FER: variants seen among roughly 807,000 people sequenced by gnomAD.
FER encodes FER tyrosine kinase.
In FER, 63 loss-of-function variants were observed where a neutral mutation model predicts 111.0. That is an observed-to-expected ratio of 0.57 (90% CI 0.46 to 0.70). The LOEUF is 0.70. Ranked by LOEUF, FER falls within the 30% of genes least tolerant of loss-of-function variation. The pLI is 0.00. For missense variants in FER, 914 were observed against 954.0 expected (o/e 0.96, Z 0.55); for synonymous variants, 327 against 313.9 (o/e 1.04, Z -0.44).
At chr5:108,963,251 G>C (rs905794309) in intron 13 of FER, among the ~76,000 whole-genome samples, 1 of 152,070 alleles carries the variant, frequency 6.6e-6, no homozygotes, top group East Asian at 1.9e-4. Flanking sequence ...CGAAGGTAAA[G>C]CAAAAACATT....
intron 10 of FER, among the ~76,000 whole-genome samples, chr5:108,902,322 A>G (rs1000521900): frequency 3.9e-5 from 6 of 152,240 alleles, no homozygotes; most frequent in African/African-American, 1.4e-4. Context: ...TTATTTTGCT[A>G]GGCTGGCAGT....
Position 108,897,707 on chromosome 5 carries a change from G to T in FER, c.1095G>T (p.Gln365His). ...SQKQALEELK[Q>H]SVQQLRCTEA... ...AACAGGCACTTGAAGAACTGAAACA[G>T]TCAGTCCAGCAGCTGAGATGCACTG... is the stretch of plus-strand genomic sequence containing the variant. Residue 365 changes from glutamine (Q) to histidine (H), a missense_variant, in exon 10 of 20, where the codon CAG becomes CAT. Transcript: ENST00000281092. 6.2e-7 allele frequency: 1 copy of T among 1,611,092 alleles called. No individual in the cohort carries two copies. Among genetic ancestry groups the T allele is most frequent in the Non-Finnish European group, 8.5e-7 (1 of 1,178,798 alleles).
At chr5:109,135,497 G>T (rs1752789930) in intron 17 of FER, among the ~76,000 whole-genome samples, 1 of 152,096 alleles carries the variant, frequency 6.6e-6, no homozygotes, top group East Asian at 1.9e-4. Context: ...AGTCGCAATG[G>T]TTACATATTG....
intron 16 of FER, among the ~76,000 whole-genome samples, chr5:109,070,068 G>A (rs572120862): frequency 7.9e-5 from 12 of 151,984 alleles, no homozygotes; most frequent in East Asian, 3.9e-4. Flanking sequence ...AAACTCATTG[G>A]CAGTCCATTT....
In FER at chr5:108,897,713, C is replaced by A; in HGVS notation, c.1101C>A (p.Val367=). The part of the protein sequence containing the change: ...KQALEELKQS[V]QQLRCTEAKF... Reference sequence around the variant, plus strand: ...CACTTGAAGAACTGAAACAGTCAGTCCAGCAGCTGAGATGCACTGAAGCAA... The same window carrying A: ...CACTTGAAGAACTGAAACAGTCAGTACAGCAGCTGAGATGCACTGAAGCAA... Residue 367 remains valine, a synonymous_variant, in exon 10 of 20, where the codon GTC becomes GTA. Coordinates refer to ENST00000281092, the MANE Select transcript of FER (RefSeq NM_005246.4). The A allele has an allele frequency of 6.2e-7, 1 of 1,612,972 alleles. No individual in the cohort carries two copies. Among genetic ancestry groups the A allele is most frequent in the Middle Eastern group, 1.7e-4 (1 of 6,056 alleles).
At chr5:108,844,828 T>C (rs1761712970) in intron 5 of FER, among the ~76,000 whole-genome samples, 1 of 151,356 alleles carries the variant, frequency 6.6e-6, no homozygotes, top group Non-Finnish European at 1.5e-5. Flanking sequence ...TGTTGTTGCA[T>C]GTATGAGTAA....
chr5:108,985,537 A>G (rs1451726057), intron 13 of FER, among the ~76,000 whole-genome samples: 1 of 151,956 alleles, frequency 6.6e-6, no homozygotes, highest in Admixed American at 6.6e-5. Flanking sequence ...TGCACCCATT[A>G]CCCGAGCAGT....
intron 2 of FER, among the ~76,000 whole-genome samples, chr5:108,772,880 T>C (rs573357601): frequency 6.6e-6 from 1 of 152,322 alleles, no homozygotes; most frequent in African/African-American, 2.4e-5. Flanking sequence ...AGTAGCAGTC[T>C]AGTCTTTCAG....
chr5:108,798,458 A>G (rs1756288232), intron 3 of FER, 69 bp downstream of exon 3: 2 of 1,159,516 alleles, frequency 1.7e-6, no homozygotes, highest in Non-Finnish European at 2.5e-6. Flanking sequence ...AATAGCTCAA[A>G]CTATTGAATG....
chr5:108,906,896 G>GGTAGAA (rs1750855086), intron 10 of FER, among the ~76,000 whole-genome samples: 1 of 152,050 alleles, frequency 6.6e-6, no homozygotes, highest in African/African-American at 2.4e-5. Context: ...GTTGAAACCT[G>GGTAGAA]TTTTTTCCAT....
chr5:109,032,115 A>G (rs1769713449), intron 13 of FER, among the ~76,000 whole-genome samples: 1 of 152,168 alleles, frequency 6.6e-6, no homozygotes, highest in African/African-American at 2.4e-5. Flanking sequence ...CAGCGTAGTT[A>G]ATACTGAGTC....
rs116722224 is a variant in FER at position 109,092,536 on chromosome 5, A to G, written c.1925-7860A>G. Among the ~76,000 whole-genome samples, 721 of 152,250 alleles carry G rather than the reference A, an allele frequency of 4.7e-3. 5 individuals carry two copies. Among genetic ancestry groups the G allele is most frequent in the African/African-American group, 0.017 (688 of 41,560 alleles). ...TTCTGTATAACTAAGTATCAGGACA[A>G]TGCAATCAAAACCACAATAAGGTAT... On this transcript the variant is annotated intron_variant, in intron 16 of 19. Coordinates refer to ENST00000281092, the MANE Select transcript of FER (RefSeq NM_005246.4).
rs909892499 is a variant in FER at position 109,031,555 on chromosome 5, T to C, written c.1657-5867T>C. 3.9e-4 allele frequency among the ~76,000 whole-genome samples: 59 copies of C among 152,192 alleles called. 2 individuals carry two copies. Among genetic ancestry groups the C allele is most frequent in the Non-Finnish European group, 4.4e-5 (3 of 68,026 alleles). On this transcript the variant is annotated intron_variant, in intron 13 of 19. Coordinates refer to ENST00000281092, the MANE Select transcript of FER (RefSeq NM_005246.4). ...GAGACTTCTGGTCTATAAGATTAAG[T>C]GAATACTTGATTCCTTGTTTAAGCT... is the stretch of plus-strand genomic sequence containing the variant.
intron 16 of FER, among the ~76,000 whole-genome samples, chr5:109,100,082 G>A (rs1015704007): frequency 2.6e-5 from 4 of 151,676 alleles, no homozygotes; most frequent in African/African-American, 7.2e-5. Flanking sequence ...ATAGATTTTA[G>A]TGAAGCAAAT....
At chr5:109,133,857 T>C (rs1322485078) in intron 17 of FER, among the ~76,000 whole-genome samples, 4 of 152,138 alleles carry the variant, frequency 2.6e-5, no homozygotes, top group South Asian at 4.1e-4. Context: ...TGCTGATAGT[T>C]ATTAAAAATA....
At chr5:109,087,208 T>C (rs1389230551) in intron 16 of FER, among the ~76,000 whole-genome samples, 1 of 151,778 alleles carries the variant, frequency 6.6e-6, no homozygotes, top group African/African-American at 2.4e-5. Context: ...CTCTTTGTTA[T>C]TAATTTTAAC....
chr5:108,918,734 G>A (rs910922174), intron 10 of FER, among the ~76,000 whole-genome samples: 37 of 151,980 alleles, frequency 2.4e-4, no homozygotes, highest in Non-Finnish European at 4.4e-4. Context: ...TGATCCGCCC[G>A]CCTCAGCCTC....
rs138770828 is a variant in FER at position 109,166,285 on chromosome 5, A to G, written c.2049-14462A>G. Among the ~76,000 whole-genome samples, 3 of 152,186 alleles carry G rather than the reference A, an allele frequency of 2.0e-5. No individual in the cohort carries two copies. The East Asian group carries it at 5.8e-4, about 29-fold the overall frequency. On this transcript the variant is annotated intron_variant, in intron 17 of 19. Coordinates refer to ENST00000281092, the MANE Select transcript of FER (RefSeq NM_005246.4). ...TGGAAGAGGGAAAATTTAGGTTTGT[A>G]ACTCATAACAAGCCGGTTAAAATGA...
intron 16 of FER, among the ~76,000 whole-genome samples, chr5:109,049,029 C>T (rs1178063931): frequency 6.6e-6 from 1 of 152,060 alleles, no homozygotes; most frequent in African/African-American, 2.4e-5. Flanking sequence ...AAACAGTGTT[C>T]AATGAATATC....
Sources: gnomAD v4.1 joint callset for allele counts (sites outside exome capture counted in the v4.1 genomes callset) on GRCh38, gnomAD v4.1.1 for gene constraint, MANE v1.5 for transcripts, NCBI Gene and HGNC (gene_info 2026-07-23, HGNC 2026-07-21) for gene names.